OR1J2: variants seen among roughly 807,000 people sequenced by gnomAD.
OR1J2 encodes the protein olfactory receptor family 1 subfamily J member 2.
For synonymous variants in OR1J2, 142 were observed against 99.7 expected (o/e 1.42, Z -2.52); for missense variants, 304 against 246.1 (o/e 1.24, Z -1.57).
At chr9:122,489,918 A>C in the OR1J2 span, among the ~76,000 whole-genome samples, 5 of 152,192 alleles carry the variant, frequency 3.3e-5, no homozygotes, top group Non-Finnish European at 1.5e-5. Flanking sequence ...TAGCTTTGCA[A>C]GGAGAGTAAT....
the OR1J2 span, among the ~76,000 whole-genome samples, chr9:122,534,798 A>G: frequency 1.1e-3 from 172 of 152,288 alleles, 3 homozygotes; most frequent in East Asian, 0.017. Context: ...AACAGAGACT[A>G]GGGAGGAACT....
chr9:122,479,988 C>G, the OR1J2 span, among the ~76,000 whole-genome samples: 11 of 152,116 alleles, frequency 7.2e-5, no homozygotes, highest in South Asian at 4.1e-4. Flanking sequence ...CAAAGAAATA[C>G]AATCTAAAAG....
the OR1J2 span, among the ~76,000 whole-genome samples, chr9:122,463,543 A>G: frequency 6.6e-6 from 1 of 151,978 alleles, no homozygotes; most frequent in African/African-American, 2.4e-5. Context: ...GTTCCTTCTC[A>G]TTTGGGTAGA....
At chr9:122,462,540 G>T in the OR1J2 span, among the ~76,000 whole-genome samples, 1 of 152,172 alleles carries the variant, frequency 6.6e-6, no homozygotes, top group African/African-American at 2.4e-5. Flanking sequence ...GCTTTAAGGA[G>T]ATTCTATTCT....
the OR1J2 span, among the ~76,000 whole-genome samples, chr9:122,448,590 G>A: frequency 6.6e-6 from 1 of 152,128 alleles, no homozygotes; most frequent in Non-Finnish European, 1.5e-5. Context: ...AGAAACCTTG[G>A]ACAATACCTG....
the OR1J2 span, among the ~76,000 whole-genome samples, chr9:122,539,577 G>A: frequency 1.3e-5 from 2 of 152,002 alleles, no homozygotes; most frequent in Non-Finnish European, 2.9e-5. Flanking sequence ...ATAAACATAC[G>A]TGTGCATGTG....
the OR1J2 span, among the ~76,000 whole-genome samples, chr9:122,471,938 CT>C: frequency 1.3e-5 from 2 of 152,200 alleles, no homozygotes; most frequent in East Asian, 1.9e-4. Flanking sequence ...TTGTTTACTA[CT>C]GTACATAACT....
At chr9:122,470,014 C>T in the OR1J2 span, among the ~76,000 whole-genome samples, 2 of 152,086 alleles carry the variant, frequency 1.3e-5, no homozygotes, top group Non-Finnish European at 2.9e-5. Flanking sequence ...AATTTGCAGC[C>T]GGACAATGTC....
chr9:122,563,061 G>A, the OR1J2 span, among the ~76,000 whole-genome samples: 2 of 152,076 alleles, frequency 1.3e-5, no homozygotes, highest in South Asian at 4.2e-4. Flanking sequence ...GGATCATATG[G>A]TAGATATATT....
chr9:122,482,389 T>G, the OR1J2 span, among the ~76,000 whole-genome samples: 380 of 152,106 alleles, frequency 2.5e-3, 2 homozygotes, highest in African/African-American at 8.4e-3. Flanking sequence ...GGCCTGGATG[T>G]GGAAAAAGGG....
At chr9:122,524,399 T>TAA in the OR1J2 span, among the ~76,000 whole-genome samples, 1 of 152,234 alleles carries the variant, frequency 6.6e-6, no homozygotes, top group African/African-American at 2.4e-5. Flanking sequence ...AAAGGAGGAA[T>TAA]AAGTTTGGAA....
the OR1J2 span, among the ~76,000 whole-genome samples, chr9:122,504,536 G>A: frequency 1.3e-5 from 2 of 152,108 alleles, no homozygotes; most frequent in Non-Finnish European, 2.9e-5. Context: ...ACCAAATGCT[G>A]TGCTTTTTTC....
the OR1J2 span, among the ~76,000 whole-genome samples, chr9:122,505,788 A>G: frequency 2.0e-5 from 3 of 151,830 alleles, no homozygotes; most frequent in Non-Finnish European, 4.4e-5. Context: ...CATTTTTTCT[A>G]GATTTTGCGT....
the OR1J2 span, chr9:122,477,517 G>A: frequency 2.5e-6 from 4 of 1,614,170 alleles, no homozygotes; most frequent in Non-Finnish European, 3.4e-6. Context: ...CTGGCTCTGA[G>A]TCATGATGGT....
the OR1J2 span, among the ~76,000 whole-genome samples, chr9:122,457,236 G>C: frequency 6.6e-6 from 1 of 152,230 alleles, no homozygotes; most frequent in East Asian, 1.9e-4. Context: ...GCAGGGGAAG[G>C]GAGAGCATCA....
upstream of OR1J2, among the ~76,000 whole-genome samples, chr9:122,509,905 T>A (rs1828600229): frequency 6.6e-6 from 1 of 151,994 alleles, no homozygotes; most frequent in Admixed American, 6.6e-5. Context: ...TCTACATAAT[T>A]GAAACAAATA....
chr9:122,516,886 A>C, the OR1J2 span, among the ~76,000 whole-genome samples: 1 of 152,174 alleles, frequency 6.6e-6, no homozygotes, highest in African/African-American at 2.4e-5. Flanking sequence ...TGCCTGCATC[A>C]GGTCACGATC....
At chr9:122,501,359 T>C in the OR1J2 span, among the ~76,000 whole-genome samples, 1 of 152,142 alleles carries the variant, frequency 6.6e-6, no homozygotes, top group Non-Finnish European at 1.5e-5. Flanking sequence ...TTGGTCTTTG[T>C]GCTGATTGCT....
the OR1J2 span, among the ~76,000 whole-genome samples, chr9:122,579,663 A>G: frequency 3.3e-5 from 5 of 152,230 alleles, no homozygotes; most frequent in Non-Finnish European, 5.9e-5. Flanking sequence ...TTTTCTGTCT[A>G]TATACATAAG....
Sources: gnomAD v4.1 joint callset for allele counts (sites outside exome capture counted in the v4.1 genomes callset) on GRCh38, gnomAD v4.1.1 for gene constraint, MANE v1.5 for transcripts, NCBI Gene and HGNC (gene_info 2026-07-23, HGNC 2026-07-21) for gene names.